LMBR1: variants seen among roughly 807,000 people sequenced by gnomAD.
LMBR1 encodes the protein limb development membrane protein 1.
LMBR1 carries 52 observed loss-of-function variants against 73.9 expected under a neutral mutation model. The observed-to-expected ratio is 0.70, with a 90% CI of 0.56 to 0.89. LMBR1 has a LOEUF of 0.89. LMBR1 is among the 40% of genes least tolerant of loss of function. The pLI, the probability that LMBR1 is intolerant of heterozygous loss-of-function variation, is 0.00. For missense variants in LMBR1, 539 were observed against 579.8 expected (o/e 0.93, Z 0.72); for synonymous variants, 215 against 209.4 (o/e 1.03, Z -0.23).
At chr7:156,815,843 T>C (rs566688660) in intron 4 of LMBR1, among the ~76,000 whole-genome samples, 12 of 152,200 alleles carry the variant, frequency 7.9e-5, no homozygotes, top group Admixed American at 2.0e-4. Context: ...AGAAAAAAAG[T>C]TTAAAATCTA....
chr7:156,735,470 C>G (rs1196347499), intron 9 of LMBR1, among the ~76,000 whole-genome samples: 2 of 151,048 alleles, frequency 1.3e-5, no homozygotes, highest in Non-Finnish European at 2.9e-5. Context: ...TTATATTTTA[C>G]CTGTTAAATT....
intron 1 of LMBR1, among the ~76,000 whole-genome samples, chr7:156,855,444 C>T (rs1796808702): frequency 6.6e-6 from 1 of 151,878 alleles, no homozygotes; most frequent in Non-Finnish European, 1.5e-5. Flanking sequence ...ACTTCCCAAG[C>T]TGAAAAGCAA....
At position 156,755,412 on chromosome 7, in the gene LMBR1, C is replaced by G. The variant is rs551360380; in HGVS notation, c.757+981G>C. Among the ~76,000 whole-genome samples the G allele has an allele frequency of 2.0e-5, 3 of 152,338 alleles. No homozygotes were observed. The South Asian group carries it at 6.2e-4, about 32-fold the overall frequency. The stretch of plus-strand genomic sequence containing the variant: ...AATTCATGGGGCACTACATTTTACC[C>G]TTCCTGGATGTCAGCCTCCTTATCT... On this transcript the variant is annotated intron_variant, in intron 9 of 16. Coordinates refer to ENST00000353442, the MANE Select transcript of LMBR1 (RefSeq NM_022458.4).
chr7:156,752,759 C>A, intron 9 of LMBR1, among the ~76,000 whole-genome samples: 1 of 152,006 alleles, frequency 6.6e-6, no homozygotes, highest in South Asian at 2.1e-4. Context: ...GGATATTGGT[C>A]ACATATATAA....
chr7:156,686,279 C>T (rs530676022), intron 16 of LMBR1, among the ~76,000 whole-genome samples: 1 of 152,274 alleles, frequency 6.6e-6, no homozygotes, highest in Admixed American at 6.5e-5. Context: ...CCATTACCAC[C>T]ATCACCACAG....
chr7:156,746,060 C>T (rs1819794781), intron 9 of LMBR1, among the ~76,000 whole-genome samples: 1 of 152,090 alleles, frequency 6.6e-6, no homozygotes, highest in South Asian at 2.1e-4. Context: ...ATGAGTATTT[C>T]CATATAATGT....
intron 1 of LMBR1, among the ~76,000 whole-genome samples, chr7:156,855,011 A>G (rs566318475): frequency 4.0e-4 from 61 of 152,324 alleles, no homozygotes; most frequent in African/African-American, 1.4e-3. Flanking sequence ...TTTTATCTAC[A>G]TCGTATCCGG....
chr7:156,751,304 G>C (rs1195285956), intron 9 of LMBR1, among the ~76,000 whole-genome samples: 1 of 152,124 alleles, frequency 6.6e-6, no homozygotes, highest in Non-Finnish European at 1.5e-5. Context: ...CCAGAGTGGG[G>C]GAAAGCTCCA....
intron 1 of LMBR1, among the ~76,000 whole-genome samples, chr7:156,862,282 A>C (rs1797835320): frequency 6.6e-6 from 1 of 152,108 alleles, no homozygotes; most frequent in African/African-American, 2.4e-5. Context: ...AAACCATCAG[A>C]TCTCATGAGA....
chr7:156,840,292 G>A (rs770934946), intron 1 of LMBR1, among the ~76,000 whole-genome samples: 4 of 152,098 alleles, frequency 2.6e-5, no homozygotes, highest in South Asian at 2.1e-4. Flanking sequence ...ATTATGCAAC[G>A]TTAGAGGAAC....
chr7:156,707,953 C>CA (rs528955293), intron 15 of LMBR1, among the ~76,000 whole-genome samples: 51 of 149,288 alleles, frequency 3.4e-4, no homozygotes, highest in South Asian at 3.0e-3. Context: ...GATCCCCCCA[C>CA]AAAAAAGCTC....
chr7:156,682,713 A>G lies in LMBR1; in HGVS notation c.*1365T>C, dbSNP rs1257890162. The G allele has an allele frequency of 2.0e-5, 3 of 152,256 alleles. No individual in the cohort carries two copies. The highest frequency in any genetic ancestry group is 4.4e-5 in the Non-Finnish European group (3 of 68,048). The allele number at this position is 152,256 out of a possible 1,614,324, so 9.4% of individuals were successfully genotyped here. A position where few individuals can be genotyped will look rare whatever the true frequency, so the allele number is the denominator to read the frequency against. ...GAAATTTCTGATGTCAAATAGACACAGCCTGCGTTTCATAAATTTCTCCCA... is the reference window on the plus strand; with the variant it reads ...GAAATTTCTGATGTCAAATAGACACGGCCTGCGTTTCATAAATTTCTCCCA... On this transcript the variant is annotated 3_prime_UTR_variant, in exon 17 of 17. Transcript: ENST00000353442.
chr7:156,783,778 T>C (rs148767069), intron 5 of LMBR1, among the ~76,000 whole-genome samples: 2 of 152,266 alleles, frequency 1.3e-5, no homozygotes, highest in Admixed American at 1.3e-4. Flanking sequence ...AACATTCCTA[T>C]CCCTTCTAGA....
At chr7:156,727,613 G>C (rs1816027595) in intron 12 of LMBR1, among the ~76,000 whole-genome samples, 1 of 152,052 alleles carries the variant, frequency 6.6e-6, no homozygotes, top group Non-Finnish European at 1.5e-5. Flanking sequence ...GACTCAGGTG[G>C]GGGGATCTGA....
chr7:156,799,931 C>G (rs554855343), intron 4 of LMBR1, among the ~76,000 whole-genome samples: 4 of 152,312 alleles, frequency 2.6e-5, no homozygotes, highest in African/African-American at 9.6e-5. Context: ...AAGCCACAGC[C>G]TGAGCAAGGT....
chr7:156,778,405 T>C (rs1305931750), intron 5 of LMBR1, among the ~76,000 whole-genome samples: 3 of 152,254 alleles, frequency 2.0e-5, no homozygotes, highest in Non-Finnish European at 4.4e-5. Context: ...ACTGGGAGGC[T>C]AGGATAGTTA....
intron 10 of LMBR1, among the ~76,000 whole-genome samples, chr7:156,733,040 GAGGCTGA>G (rs1341895724): frequency 6.6e-6 from 1 of 152,162 alleles, no homozygotes; most frequent in Admixed American, 6.5e-5. Context: ...AGCTACTCAG[GAGGCTGA>G]AGTGGGAGGA....
intron 9 of LMBR1, among the ~76,000 whole-genome samples, chr7:156,735,655 A>G (rs1164851627): frequency 6.6e-6 from 1 of 150,830 alleles, no homozygotes; most frequent in East Asian, 1.9e-4. Flanking sequence ...AGACTGTTAC[A>G]TCTTCCTTAT....
At chr7:156,799,855 C>A (rs1334090942) in intron 4 of LMBR1, among the ~76,000 whole-genome samples, 4 of 152,216 alleles carry the variant, frequency 2.6e-5, no homozygotes, top group African/African-American at 9.7e-5. Context: ...AGCAAAACAG[C>A]CTTACTGCTG....
Sources: allele counts gnomAD v4.1 joint callset (sites outside exome capture counted in the v4.1 genomes callset), GRCh38; gene constraint gnomAD v4.1.1; transcripts MANE v1.5; gene names NCBI Gene and HGNC (gene_info 2026-07-23, HGNC 2026-07-21).